KHDRBS2: variants seen among roughly 807,000 people sequenced by gnomAD.
The protein encoded by KHDRBS2 is KH RNA binding domain containing, signal transduction associated 2.
A neutral mutation model predicts 44.3 loss-of-function variants in KHDRBS2; 26 were observed. The observed-to-expected ratio is 0.59, with a 90% CI of 0.43 to 0.81. KHDRBS2 has a LOEUF of 0.81. Ranked by LOEUF, KHDRBS2 falls within the 40% of genes least tolerant of loss-of-function variation. The pLI, the probability that KHDRBS2 is intolerant of heterozygous loss-of-function variation, is 0.00. For missense variants in KHDRBS2, 476 were observed against 433.1 expected (o/e 1.10, Z -0.88); for synonymous variants, 194 against 151.1 (o/e 1.28, Z -2.08).
chr6:61,686,217 G>A (rs568191403), intron 8 of KHDRBS2, among the ~76,000 whole-genome samples: 29 of 151,794 alleles, frequency 1.9e-4, no homozygotes, highest in Non-Finnish European at 4.0e-4. Context: ...GCGATTTTTG[G>A]TACACTGTAA....
chr6:61,561,870 C>A, the KHDRBS2 span, among the ~76,000 whole-genome samples: 2 of 152,118 alleles, frequency 1.3e-5, no homozygotes, highest in Non-Finnish European at 2.9e-5. Flanking sequence ...TATCTCTTCC[C>A]TCCCCACTCC....
At chr6:62,179,699 A>G (rs1352038323) in intron 1 of KHDRBS2, among the ~76,000 whole-genome samples, 2 of 151,782 alleles carry the variant, frequency 1.3e-5, no homozygotes, top group Non-Finnish European at 2.9e-5. Flanking sequence ...GTCTGAAATT[A>G]TTTGTCAACC....
intron 1 of KHDRBS2, among the ~76,000 whole-genome samples, chr6:62,223,475 T>C (rs894941058): frequency 6.6e-6 from 1 of 152,200 alleles, no homozygotes; most frequent in African/African-American, 2.4e-5. Context: ...ATTTTCCCCA[T>C]TGTCTTGGGG....
chr6:61,789,734 G>T (rs1000574824), intron 6 of KHDRBS2, among the ~76,000 whole-genome samples: 35 of 151,384 alleles, frequency 2.3e-4, no homozygotes, highest in Non-Finnish European at 2.8e-4. Flanking sequence ...ATTTCTTTGG[G>T]TCTAGAGTTT....
chr6:61,763,439 G>C (rs1779561365), intron 6 of KHDRBS2, among the ~76,000 whole-genome samples: 1 of 152,154 alleles, frequency 6.6e-6, no homozygotes, highest in Non-Finnish European at 1.5e-5. Context: ...AACATAGATG[G>C]AAGGGGCAGG....
chr6:61,567,942 A>G, the KHDRBS2 span, among the ~76,000 whole-genome samples: 2 of 152,088 alleles, frequency 1.3e-5, no homozygotes, highest in Admixed American at 1.3e-4. Flanking sequence ...ATTTTTTTCC[A>G]TGTTTTCTTC....
At chr6:62,209,556 C>T (rs1183237843) in intron 1 of KHDRBS2, among the ~76,000 whole-genome samples, 1 of 151,886 alleles carries the variant, frequency 6.6e-6, no homozygotes, top group Non-Finnish European at 1.5e-5. Context: ...ACTAATATGC[C>T]CTATGTGATG....
At chr6:61,889,165 C>A (rs1168412271) in intron 6 of KHDRBS2, among the ~76,000 whole-genome samples, 1 of 152,236 alleles carries the variant, frequency 6.6e-6, no homozygotes, top group Non-Finnish European at 1.5e-5. Context: ...GGTATTTATG[C>A]ATGCTTATAA....
In KHDRBS2 at chr6:61,894,830, G is replaced by A. The variant is rs143556084; in HGVS notation, c.615C>T (p.Gly205=). The change falls in exon 6 of 9, where the codon GGC becomes GGT. Residue 205 remains glycine, a synonymous_variant. Transcript: ENST00000281156. The part of the protein sequence containing the change: ...IRIAPTAPSR[G]RGGAIPPPPP... ...GGGGAGGAGGAATGGCACCCCCACG[G>A]CCCCTAAGAGAAACAAGTCATGTAT... 2.0e-4 allele frequency: 318 copies of A among 1,609,742 alleles called. 3 individuals carry two copies. The highest frequency in any genetic ancestry group is 1.9e-3 in the East Asian group (86 of 44,784).
At chr6:61,955,010 A>ATG (rs1376215833) in intron 4 of KHDRBS2, among the ~76,000 whole-genome samples, 6 of 142,690 alleles carry the variant, frequency 4.2e-5, no homozygotes, top group Admixed American at 1.4e-4. Flanking sequence ...ATACATATGT[A>ATG]TGTATACACA....
At chr6:62,015,743 T>C (rs1781101035) in intron 3 of KHDRBS2, among the ~76,000 whole-genome samples, 1 of 152,330 alleles carries the variant, frequency 6.6e-6, no homozygotes, top group East Asian at 1.9e-4. Flanking sequence ...ATAAAGGGTT[T>C]ACATTTTCCA....
intron 4 of KHDRBS2, among the ~76,000 whole-genome samples, chr6:61,924,593 C>A (rs950919964): frequency 2.6e-5 from 4 of 151,642 alleles, no homozygotes; most frequent in Non-Finnish European, 5.9e-5. Context: ...GTATCTTTTA[C>A]TGTTTATTTT....
chr6:61,805,085 C>A (rs1461449649), intron 6 of KHDRBS2, among the ~76,000 whole-genome samples: 1 of 152,080 alleles, frequency 6.6e-6, no homozygotes, highest in East Asian at 1.9e-4. Flanking sequence ...GATTCCAAAC[C>A]ATCTCTTTGT....
chr6:62,126,591 G>GTAC (rs1196820989), intron 2 of KHDRBS2, among the ~76,000 whole-genome samples: 1 of 152,156 alleles, frequency 6.6e-6, no homozygotes. Flanking sequence ...GGCCACAAAA[G>GTAC]TACTTGGGCC....
chr6:61,853,517 G>T (rs1323429886), intron 6 of KHDRBS2, among the ~76,000 whole-genome samples: 1 of 152,142 alleles, frequency 6.6e-6, no homozygotes, highest in Non-Finnish European at 1.5e-5. Context: ...CTCCAACCTT[G>T]CATCCTGCTG....
At chr6:62,283,079 T>A (rs143896037) in intron 1 of KHDRBS2, among the ~76,000 whole-genome samples, 94 of 152,266 alleles carry the variant, frequency 6.2e-4, no homozygotes, top group African/African-American at 2.2e-3. Flanking sequence ...GTTTGCTGTT[T>A]TATCATATTC....
intron 1 of KHDRBS2, among the ~76,000 whole-genome samples, chr6:62,198,412 C>T (rs1288735619): frequency 1.3e-5 from 2 of 152,016 alleles, no homozygotes; most frequent in Admixed American, 6.6e-5. Flanking sequence ...ATATCACCAC[C>T]GATGCCACAG....
At chr6:62,269,932 C>T (rs572110121) in intron 1 of KHDRBS2, among the ~76,000 whole-genome samples, 1 of 152,206 alleles carries the variant, frequency 6.6e-6, no homozygotes, top group African/African-American at 2.4e-5. Flanking sequence ...AATGCAACAA[C>T]ATGGATGACT....
chr6:62,077,346 T>C (rs1024121448), intron 2 of KHDRBS2, among the ~76,000 whole-genome samples: 1 of 152,020 alleles, frequency 6.6e-6, no homozygotes, highest in Non-Finnish European at 1.5e-5. Context: ...GGAGGGAAGC[T>C]GCCCTTCCCA....
Sources: allele counts gnomAD v4.1 joint callset (sites outside exome capture counted in the v4.1 genomes callset), GRCh38; gene constraint gnomAD v4.1.1; transcripts MANE v1.5; gene names NCBI Gene and HGNC (gene_info 2026-07-23, HGNC 2026-07-21).